Variants in GEMIN6 observed in about 807,000 individuals in gnomAD.
GEMIN6 encodes gem nuclear organelle associated protein 6.
A neutral mutation model predicts 14.1 loss-of-function variants in GEMIN6; 13 were observed. That is an observed-to-expected ratio of 0.92 (90% CI 0.60 to 1.46). The LOEUF (loss-of-function observed/expected upper bound fraction) is 1.46, where lower values mean the gene tolerates loss of function less well. GEMIN6 is among the 40% of genes most tolerant of loss of function. GEMIN6 has a pLI of 0.00. For synonymous variants in GEMIN6, 87 were observed against 70.0 expected, an observed-to-expected ratio of 1.24 and a Z score of -1.21; for missense variants, 271 against 202.4, an observed-to-expected ratio of 1.34 and a Z score of -2.06.
chr2:38,778,802 T>C (rs1312438282), intron 1 of GEMIN6, among the ~76,000 whole-genome samples, 170 bp from the exon 2 acceptor site: 1 of 152,208 alleles, frequency 6.6e-6, no homozygotes, highest in East Asian at 1.9e-4. Context: ...TCCCCAACTA[T>C]AGTATCAGTT....
intron 2 of GEMIN6, among the ~76,000 whole-genome samples, chr2:38,780,206 G>C (rs1316090911): frequency 1.3e-5 from 2 of 151,138 alleles, no homozygotes; most frequent in Non-Finnish European, 1.5e-5. Flanking sequence ...TGTAGTCCCA[G>C]CTACTCAGGA....
chr2:38,783,412 C>G lies in GEMIN6; in HGVS notation c.*1520C>G, dbSNP rs1216661936. 6.6e-6 allele frequency: 1 copy of G among 151,518 alleles called. No homozygotes were observed. The highest frequency in any genetic ancestry group is 1.5e-5 in the Non-Finnish European group (1 of 68,022). The allele number at this position is 151,518 out of a possible 1,614,324, so 9.4% of individuals were successfully genotyped here. ...CCATGTTGACCAGGCTGGTCTTGAA[C>G]TCCTGACCTCATGATCTGCCTGCCG... On this transcript the variant is annotated 3_prime_UTR_variant, in exon 3 of 3. Coordinates refer to ENST00000281950, the MANE Select transcript of GEMIN6 (RefSeq NM_024775.10).
chr2:38,779,652 ATATATATATATATTTTTTTT>A (rs1408419674), intron 2 of GEMIN6, among the ~76,000 whole-genome samples: 4 of 25,444 alleles, frequency 1.6e-4, no homozygotes, highest in African/African-American at 2.9e-4. Context: ...ATATATATAT[ATATATATATATATTTTTTTT>A]TTTTTTTTTT....
At chr2:38,781,451 T>G in intron 2 of GEMIN6, 66 bp from the exon 3 acceptor site, 1 of 1,406,036 alleles carries the variant, frequency 7.1e-7, no homozygotes, top group Non-Finnish European at 9.7e-7. Flanking sequence ...CAGAGTAGAG[T>G]GTCATCTATT....
rs1572591202 is a variant in GEMIN6 at position 38,778,321 on chromosome 2, T to C, written c.-20+40T>C. 3 of 152,270 alleles carry C rather than the reference T, an allele frequency of 2.0e-5. 1 individual carries two copies. In the South Asian group the frequency reaches 6.2e-4, roughly 32 times the overall value. 9.4% of individuals were successfully genotyped at this position (152,270 alleles called of 1,614,324 possible). A position where few individuals can be genotyped will look rare whatever the true frequency, so the allele number is the denominator to read the frequency against. On this transcript the variant is annotated intron_variant, in intron 1 of 2. Coordinates refer to ENST00000281950, the MANE Select transcript of GEMIN6 (RefSeq NM_024775.10). Reference sequence around the variant, plus strand: ...TGTCAGGGTTAAACGTTAAGTACCATTTGGTTTTTAGTACAGTGTTAGGTA... The same window carrying C: ...TGTCAGGGTTAAACGTTAAGTACCACTTGGTTTTTAGTACAGTGTTAGGTA...
rs1463974035 is a variant in GEMIN6 at position 38,782,210 on chromosome 2, C to G, written c.*318C>G. 1 of 203,532 alleles carries G rather than the reference C, an allele frequency of 4.9e-6. No homozygotes were observed. The highest frequency in any genetic ancestry group is 2.4e-5 in the African/African-American group (1 of 42,506). The allele number at this position is 203,532 out of a possible 1,614,324, so 12.6% of individuals were successfully genotyped here. ...CCAGGTTTGAGTGCAGTGGCGCAAT[C>G]TCAGCTCAGTGCAACCTCCGCCTCC... On this transcript the variant is annotated 3_prime_UTR_variant, in exon 3 of 3. Coordinates refer to ENST00000281950, the MANE Select transcript of GEMIN6 (RefSeq NM_024775.10).
In GEMIN6 at chr2:38,784,740, A is replaced by C. The variant is rs1669165985; in HGVS notation, c.*2848A>C. 1.3e-5 allele frequency: 2 copies of C among 152,186 alleles called. No homozygotes were observed. The highest frequency in any genetic ancestry group is 4.1e-4 in the South Asian group (2 of 4,822). 9.4% of individuals were successfully genotyped at this position (152,186 alleles called of 1,614,324 possible). On this transcript the variant is annotated 3_prime_UTR_variant, in exon 3 of 3. Coordinates refer to ENST00000281950, the MANE Select transcript of GEMIN6 (RefSeq NM_024775.10). ...CAAAACCTGAGTGCTTGAAAGGGTAAGTGATCCTGATCTGCCATAGAAACC... is the reference window on the plus strand; with the variant it reads ...CAAAACCTGAGTGCTTGAAAGGGTACGTGATCCTGATCTGCCATAGAAACC...
intron 1 of GEMIN6, 29 bp from the exon 2 acceptor site, chr2:38,778,943 A>G: frequency 1.3e-6 from 2 of 1,577,094 alleles, no homozygotes; most frequent in East Asian, 2.3e-5. Context: ...CGTGGAACAT[A>G]TATTAACCAG....
Position 38,782,564 on chromosome 2 carries a change from G to C in GEMIN6, c.*672G>C, listed in dbSNP as rs1466573587. 6.6e-6 allele frequency: 1 copy of C among 151,894 alleles called. No individual in the cohort carries two copies. Among genetic ancestry groups the C allele is most frequent in the Non-Finnish European group, 1.5e-5 (1 of 68,026 alleles). 9.4% of individuals were successfully genotyped at this position (151,894 alleles called of 1,614,324 possible). A position where few individuals can be genotyped will look rare whatever the true frequency, so the allele number is the denominator to read the frequency against. Reference sequence around the variant, plus strand: ...TAATCCCAGCACTTTGGGAGGCCGAGGCAGGTGGATCATGAGGTCAGGAGA... The same window carrying C: ...TAATCCCAGCACTTTGGGAGGCCGACGCAGGTGGATCATGAGGTCAGGAGA... On this transcript the variant is annotated 3_prime_UTR_variant, in exon 3 of 3. Transcript: ENST00000281950.
In GEMIN6 at chr2:38,784,697, A is replaced by T. The variant is rs949494546; in HGVS notation, c.*2805A>T. 1 of 152,092 alleles carries T rather than the reference A, an allele frequency of 6.6e-6. No homozygotes were observed. The highest frequency in any genetic ancestry group is 1.5e-5 in the Non-Finnish European group (1 of 68,036). The allele number at this position is 152,092 out of a possible 1,614,324, so 9.4% of individuals were successfully genotyped here. A position where few individuals can be genotyped will look rare whatever the true frequency, so the allele number is the denominator to read the frequency against. ...TGGCAACTGAGTCCTCTGATTGTGT[A>T]AACAATTTGCCTGCAAACAAAACCT... On this transcript the variant is annotated 3_prime_UTR_variant, in exon 3 of 3. Transcript: ENST00000281950.
intron 1 of GEMIN6, among the ~76,000 whole-genome samples, chr2:38,778,519 C>G (rs375057034): frequency 1.3e-5 from 2 of 152,072 alleles, no homozygotes; most frequent in East Asian, 3.9e-4. Context: ...GGGTGGATAT[C>G]AGGAGAGTTT....
In GEMIN6 at chr2:38,784,521, ACT is replaced by A. The variant is rs1287006559; in HGVS notation, c.*2632_*2633del. ...ATTCCAGCTTGGGCAGCAGAACGAG[ACT>A]CTGTCTCAAAAAAAAAAAAAAAGCC... On this transcript the variant is annotated 3_prime_UTR_variant, in exon 3 of 3. Coordinates refer to ENST00000281950, the MANE Select transcript of GEMIN6 (RefSeq NM_024775.10). The A allele has an allele frequency of 5.5e-5, 7 of 127,204 alleles. No homozygotes were observed. Among genetic ancestry groups the A allele is most frequent in the African/African-American group, 1.2e-4 (4 of 34,250 alleles). 7.9% of individuals were successfully genotyped at this position (127,204 alleles called of 1,614,324 possible).
Position 38,782,088 on chromosome 2 carries a change from C to T in GEMIN6, c.*196C>T. The T allele has an allele frequency of 1.9e-6, 1 of 516,420 alleles. No homozygotes were observed. The highest frequency in any genetic ancestry group is 1.9e-5 in the African/African-American group (1 of 51,460). The allele number at this position is 516,420 out of a possible 1,614,324, so 32.0% of individuals were successfully genotyped here. A position where few individuals can be genotyped will look rare whatever the true frequency, so the allele number is the denominator to read the frequency against. The stretch of plus-strand genomic sequence containing the variant: ...AATTAATGAACTAGGGCAAGTATAG[C>T]ATCCCATGCATAAAATTAGCACAGG... On this transcript the variant is annotated 3_prime_UTR_variant, in exon 3 of 3. Transcript: ENST00000281950.
At chr2:38,779,658 ATATATATTTTTTTTTTTTTTTT>A (rs1669035268) in intron 2 of GEMIN6, among the ~76,000 whole-genome samples, 2 of 29,574 alleles carry the variant, frequency 6.8e-5, no homozygotes, top group African/African-American at 2.0e-4. Flanking sequence ...ATATATATAT[ATATATATTTTTTTTTTTTTTTT>A]TTTTTTTTTT....
At chr2:38,780,907 G>C (rs1669067167) in intron 2 of GEMIN6, among the ~76,000 whole-genome samples, 1 of 151,874 alleles carries the variant, frequency 6.6e-6, no homozygotes, top group Non-Finnish European at 1.5e-5. Context: ...GGGATTACAG[G>C]CGTGAGCCAC....
In GEMIN6 at chr2:38,779,161, G is replaced by T. The variant is rs202030757; in HGVS notation, c.128+43G>T. ...TTGCCTGAAATCTTGACACCCCTTT[G>T]TGCTGCCTGTATGTTATAGACAAAC... On this transcript the variant is annotated intron_variant, in intron 2 of 2. Coordinates refer to ENST00000281950, the MANE Select transcript of GEMIN6 (RefSeq NM_024775.10). 3.8e-6 allele frequency: 6 copies of T among 1,576,442 alleles called. No homozygotes were observed. The African/African-American group carries it at 4.1e-5, about 11-fold the overall frequency.
chr2:38,780,730 G>A (rs1190677689), intron 2 of GEMIN6, among the ~76,000 whole-genome samples: 1 of 151,902 alleles, frequency 6.6e-6, no homozygotes, highest in African/African-American at 2.4e-5. Context: ...CCGGATTCAA[G>A]TGATTCTCCT....
In GEMIN6 at chr2:38,778,929, C is replaced by T. The variant is rs978690581; in HGVS notation, c.-19-43C>T. 7.2e-6 allele frequency: 11 copies of T among 1,527,222 alleles called. No homozygotes were observed. The African/African-American group carries it at 1.5e-4, about 21-fold the overall frequency. The allele number at this position is 1,527,222 out of a possible 1,614,324, so 94.6% of individuals were successfully genotyped here. Reference sequence around the variant, plus strand: ...ATGGAGATTAGGGATAAGACATTTGCTTACGTGGAACATATATTAACCAGC... The same window carrying T: ...ATGGAGATTAGGGATAAGACATTTGTTTACGTGGAACATATATTAACCAGC... On this transcript the variant is annotated intron_variant, in intron 1 of 2. Coordinates refer to ENST00000281950, the MANE Select transcript of GEMIN6 (RefSeq NM_024775.10).
At position 38,781,966 on chromosome 2, in the gene GEMIN6, TG is replaced by T; in HGVS notation, c.*75del. ...CCTCATAAAATGTTTTAAATGTAAA[TG>T]TACATGACTGTGTGTGTGTATGTGT... On this transcript the variant is annotated 3_prime_UTR_variant, in exon 3 of 3. Transcript: ENST00000281950. 1 of 1,370,720 alleles carries T rather than the reference TG, an allele frequency of 7.3e-7. No homozygotes were observed. The highest frequency in any genetic ancestry group is 1.0e-6 in the Non-Finnish European group (1 of 1,001,750). 84.9% of individuals were successfully genotyped at this position (1,370,720 alleles called of 1,614,324 possible). A position where few individuals can be genotyped will look rare whatever the true frequency, so the allele number is the denominator to read the frequency against.
Sources: allele counts gnomAD v4.1 joint callset (sites outside exome capture counted in the v4.1 genomes callset), GRCh38; gene constraint gnomAD v4.1.1; transcripts MANE v1.5; gene names NCBI Gene and HGNC (gene_info 2026-07-23, HGNC 2026-07-21).